ZNF618: variants seen among roughly 807,000 people sequenced by gnomAD.
ZNF618 encodes neural precursor cell expressed, developmentally down-regulated 10.
Under a neutral mutation model 103.0 loss-of-function variants are expected in ZNF618, and 34 were observed. The ratio of observed to expected loss-of-function variants is 0.33; its 90% CI spans 0.25 to 0.44. The LOEUF is 0.44. ZNF618 is among the 20% of genes least tolerant of loss of function. The probability of loss-of-function intolerance (pLI) is 1.00; values close to 1 mark genes in which losing one functional copy is unlikely to be tolerated. For synonymous variants in ZNF618, 551 were observed against 542.2 expected, an observed-to-expected ratio of 1.02 and a Z score of -0.23; for missense variants, 1,059 against 1,295.4, an observed-to-expected ratio of 0.82 and a Z score of 2.80.
chr9:114,017,533 C>T (rs10817557), intron 10 of ZNF618, among the ~76,000 whole-genome samples: 87,367 of 152,110 alleles, frequency 0.57, 26,895 homozygotes, highest in East Asian at 0.77. Flanking sequence ...GCTAGGGGGC[C>T]CATCAGCCTC....
intron 3 of ZNF618, 81 bp downstream of exon 3, chr9:113,988,661 G>C: frequency 4.0e-6 from 6 of 1,482,014 alleles, no homozygotes; most frequent in Non-Finnish European, 5.4e-6. Context: ...GCGGCCTGGC[G>C]CCTCTGCCCC....
intron 1 of ZNF618, among the ~76,000 whole-genome samples, chr9:113,916,587 A>G (rs1431404950): frequency 2.0e-5 from 3 of 152,210 alleles, no homozygotes; most frequent in Non-Finnish European, 2.9e-5. Flanking sequence ...ATCAATGAGT[A>G]TCATGGCACT....
At chr9:114,036,668 AAGGCCAAGTAGGAGCT>A (rs1486520040) in intron 13 of ZNF618, among the ~76,000 whole-genome samples, 1 of 152,198 alleles carries the variant, frequency 6.6e-6, no homozygotes, top group Non-Finnish European at 1.5e-5. Context: ...GCTGGTCCTA[AAGGCCAAGTAGGAGCT>A]AGCCTGGAAG....
chr9:113,980,248 A>G (rs1830774), intron 2 of ZNF618, among the ~76,000 whole-genome samples: 137,805 of 152,132 alleles, frequency 0.91, 62,635 homozygotes, highest in East Asian at 1. Context: ...TGGGCTAGGA[A>G]GCAGAATTGT....
chr9:114,032,515 G>T (rs1012805322), intron 11 of ZNF618, 130 bp from the exon 12 acceptor site: 13 of 793,790 alleles, frequency 1.6e-5, no homozygotes, highest in African/African-American at 5.1e-5. Context: ...TCTGGCTTGA[G>T]GTCCTGGAGC....
At chr9:114,004,003 A>G (rs1841495275) in intron 6 of ZNF618, among the ~76,000 whole-genome samples, 1 of 152,154 alleles carries the variant, frequency 6.6e-6, no homozygotes. Context: ...TTGCTTGCCA[A>G]TCCCCGTTCT....
chr9:113,951,458 T>TGTAC lies in ZNF618; in HGVS notation c.34-17659_34-17658insGTAC, dbSNP rs777028952. 2.2e-3 allele frequency among the ~76,000 whole-genome samples: 122 copies of TGTAC among 54,624 alleles called. 11 individuals are homozygous for TGTAC. The highest frequency in any genetic ancestry group is 3.3e-3 in the African/African-American group (57 of 17,504). The allele number at this position is 54,624 out of a possible 152,430, so 35.8% of individuals were successfully genotyped here. ...ATATATATACATATATGTGTATATA[T>TGTAC]ACATATATGTGTGTATGTGTACACA... is the stretch of plus-strand genomic sequence containing the variant. On this transcript the variant is annotated intron_variant, in intron 1 of 14. Transcript: ENST00000374126.
chr9:113,887,823 T>C lies in ZNF618; in HGVS notation c.33+11410T>C, dbSNP rs1279975429. Among the ~76,000 whole-genome samples, 3 of 152,336 alleles carry C rather than the reference T, an allele frequency of 2.0e-5. No homozygotes were observed. In the East Asian group the frequency reaches 5.8e-4, roughly 29 times the overall value. On this transcript the variant is annotated intron_variant, in intron 1 of 14. Transcript: ENST00000374126. ...GGAAGTTTGAGCCATGTGTTGGAAA[T>C]TCAGCTTTATAAAATTTTATTTTTT...
At chr9:113,996,416 C>G (rs913473101) in intron 3 of ZNF618, among the ~76,000 whole-genome samples, 4 of 152,148 alleles carry the variant, frequency 2.6e-5, no homozygotes, top group African/African-American at 9.7e-5. Flanking sequence ...GAAAGGTGCC[C>G]GAGCTTCTCT....
At chr9:113,907,450 C>G (rs1217679093) in intron 1 of ZNF618, among the ~76,000 whole-genome samples, 1 of 152,244 alleles carries the variant, frequency 6.6e-6, no homozygotes, top group Non-Finnish European at 1.5e-5. Flanking sequence ...TCTGCCCTCC[C>G]ACTTGCTGGC....
At chr9:113,997,332 C>G (rs1034640010) in intron 3 of ZNF618, among the ~76,000 whole-genome samples, 8 of 152,228 alleles carry the variant, frequency 5.3e-5, no homozygotes, top group Non-Finnish European at 8.8e-5. Context: ...TGGTCTTGAA[C>G]TCATGAACTC....
chr9:113,937,238 C>T (rs1345151344), intron 1 of ZNF618, among the ~76,000 whole-genome samples: 1 of 152,080 alleles, frequency 6.6e-6, no homozygotes, highest in Non-Finnish European at 1.5e-5. Context: ...TTTTTCGTGT[C>T]TTTCTCTCTC....
At chr9:114,000,896 C>T (rs1841131600) in intron 4 of ZNF618, among the ~76,000 whole-genome samples, 1 of 152,236 alleles carries the variant, frequency 6.6e-6, no homozygotes, top group Non-Finnish European at 1.5e-5. Flanking sequence ...CTCTCCCATC[C>T]CCAGATGCTG....
chr9:114,007,266 GT>G, intron 6 of ZNF618, 83 bp from the exon 7 acceptor site: 1 of 1,193,064 alleles, frequency 8.4e-7, no homozygotes, highest in Non-Finnish European at 1.2e-6. Context: ...TTCATCTTTG[GT>G]TTCTGAGATG....
In ZNF618 at chr9:114,032,716, C is replaced by G; in HGVS notation, c.1156C>G (p.Gln386Glu). ...CTTTGAAGAGACGAACAGCAGTTCG[C>G]AGAACTCCAGCGGTGAGTGTGCCCC... is the stretch of plus-strand genomic sequence containing the variant. ...NHFEETNSSSQNSSEPYTCGA... is the reference protein window; with the variant it reads ...NHFEETNSSSENSSEPYTCGA... The change falls in exon 12 of 15, where the codon CAG (glutamine) becomes GAG (glutamate). Residue 386 changes from glutamine to glutamate, a missense_variant. By Grantham distance (29) the Gln-to-Glu change is conservative (BLOSUM62 2). Transcript: ENST00000374126. 6.2e-7 allele frequency: 1 copy of G among 1,614,016 alleles called. No individual in the cohort carries two copies. Among genetic ancestry groups the G allele is most frequent in the Non-Finnish European group, 8.5e-7 (1 of 1,179,864 alleles).
intron 3 of ZNF618, among the ~76,000 whole-genome samples, chr9:113,995,121 A>G (rs1182262606): frequency 6.6e-6 from 1 of 152,120 alleles, no homozygotes; most frequent in East Asian, 1.9e-4. Context: ...TTTCCAGTCC[A>G]CTGCCCCCAC....
At chr9:113,990,404 T>G (rs1839927955) in intron 3 of ZNF618, among the ~76,000 whole-genome samples, 1 of 152,172 alleles carries the variant, frequency 6.6e-6, no homozygotes, top group South Asian at 2.1e-4. Context: ...TATTGGTTTC[T>G]GGGAGTGGTA....
chr9:113,906,898 G>A (rs1831041336), intron 1 of ZNF618, among the ~76,000 whole-genome samples: 4 of 152,174 alleles, frequency 2.6e-5, no homozygotes, highest in Non-Finnish European at 4.4e-5. Flanking sequence ...TGATGTCATC[G>A]GAAATGTGCT....
chr9:113,945,892 T>C lies in ZNF618; in HGVS notation c.34-23225T>C, dbSNP rs188409481. 2.0e-5 allele frequency among the ~76,000 whole-genome samples: 3 copies of C among 152,330 alleles called. No individual in the cohort carries two copies. The East Asian group carries it at 5.8e-4, about 29-fold the overall frequency. ...TTGGGGATGAAAGGCGTGATATAAA[T>C]GTCAGTTATTATTATTACAATTTCA... On this transcript the variant is annotated intron_variant, in intron 1 of 14. Coordinates refer to ENST00000374126, the MANE Select transcript of ZNF618 (RefSeq NM_001318042.2).
Sources: allele counts gnomAD v4.1 joint callset (sites outside exome capture counted in the v4.1 genomes callset), GRCh38; gene constraint gnomAD v4.1.1; transcripts MANE v1.5; gene names NCBI Gene and HGNC (gene_info 2026-07-23, HGNC 2026-07-21).